The following PAPOLG variants were observed in gnomAD, a reference collection of about 807,000 sequenced individuals.
The protein encoded by PAPOLG is poly(A) polymerase gamma.
PAPOLG carries 40 observed loss-of-function variants against 99.0 expected under a neutral mutation model. That is an observed-to-expected ratio of 0.40 (90% CI 0.31 to 0.53). The LOEUF is 0.53. PAPOLG is among the 20% of genes least tolerant of loss of function. The pLI is 0.41. For synonymous variants in PAPOLG, 310 were observed against 299.3 expected (o/e 1.04, Z -0.37); for missense variants, 675 against 884.1 (o/e 0.76, Z 3.00).
At chr2:60,763,480 G>C (rs1394284640) in intron 3 of PAPOLG, among the ~76,000 whole-genome samples, 1 of 151,938 alleles carries the variant, frequency 6.6e-6, no homozygotes, top group Admixed American at 6.5e-5. Context: ...GATACGGAAG[G>C]CTAACTATAT....
intron 6 of PAPOLG, 46 bp downstream of exon 6, chr2:60,770,557 C>T (rs1469153025): frequency 2.4e-6 from 3 of 1,266,628 alleles, no homozygotes; most frequent in East Asian, 4.9e-5. Context: ...ACTGTTTAAA[C>T]TTGTAAGTTT....
intron 7 of PAPOLG, among the ~76,000 whole-genome samples, chr2:60,772,521 G>A (rs574753257): frequency 6.6e-6 from 1 of 151,540 alleles, no homozygotes; most frequent in East Asian, 1.9e-4. Context: ...GGCCAAGGCA[G>A]GCAGATCACC....
At chr2:60,794,240 T>C in intron 19 of PAPOLG, 49 bp downstream of exon 19, 1 of 1,530,644 alleles carries the variant, frequency 6.5e-7, no homozygotes, top group African/African-American at 1.4e-5. Context: ...TTTTTTATAG[T>C]TAATACTAAA....
At chr2:60,767,345 C>CTT (rs529844444) in intron 3 of PAPOLG, among the ~76,000 whole-genome samples, 10 of 138,370 alleles carry the variant, frequency 7.2e-5, no homozygotes, top group South Asian at 2.3e-4. Flanking sequence ...CTTTTTCTTT[C>CTT]TTTTTTTTTT....
chr2:60,767,856 G>A (rs549905468), intron 3 of PAPOLG, among the ~76,000 whole-genome samples: 47 of 152,310 alleles, frequency 3.1e-4, no homozygotes, highest in Non-Finnish European at 4.4e-4. Context: ...GTGATGAAGC[G>A]AAAGACAGGC....
intron 11 of PAPOLG, 138 bp downstream of exon 11, chr2:60,782,143 GT>G (rs1166483135): frequency 1.2e-5 from 11 of 944,796 alleles, no homozygotes; most frequent in Non-Finnish European, 1.7e-5. Flanking sequence ...TGGTTATTTT[GT>G]TTTTTAGTAA....
intron 11 of PAPOLG, 121 bp from the exon 12 acceptor site, chr2:60,782,565 A>G (rs201586521): frequency 1.3e-5 from 1 of 76,164 alleles, no homozygotes; most frequent in Non-Finnish European, 1.7e-5. Flanking sequence ...TCAAAAAAAG[A>G]AAAAAAAAAA....
chr2:60,761,978 C>T (rs1461268385), intron 3 of PAPOLG, among the ~76,000 whole-genome samples, 171 bp downstream of exon 3: 12 of 152,110 alleles, frequency 7.9e-5, no homozygotes, highest in Admixed American at 7.9e-4. Flanking sequence ...ATGAGGATTA[C>T]CCAGAAGTAG....
intron 13 of PAPOLG, among the ~76,000 whole-genome samples, chr2:60,784,236 G>A (rs1227284522): frequency 6.6e-6 from 1 of 152,212 alleles, no homozygotes; most frequent in Non-Finnish European, 1.5e-5. Flanking sequence ...CTCCCAAAGT[G>A]CTGGAATTAC....
chr2:60,781,368 G>A (rs565199381), intron 10 of PAPOLG, among the ~76,000 whole-genome samples: 7 of 148,820 alleles, frequency 4.7e-5, no homozygotes, highest in Admixed American at 2.0e-4. Context: ...AAAAAAAAAA[G>A]TAATTGGTTA....
At chr2:60,762,722 AT>A (rs1226901431) in intron 3 of PAPOLG, among the ~76,000 whole-genome samples, 2 of 151,770 alleles carry the variant, frequency 1.3e-5, no homozygotes, top group Non-Finnish European at 1.5e-5. Flanking sequence ...CTCCTCCCAG[AT>A]TCAAGTGATT....
intron 10 of PAPOLG, 101 bp from the exon 11 acceptor site, chr2:60,781,784 G>A (rs1671197130): frequency 1.4e-6 from 2 of 1,469,462 alleles, no homozygotes; most frequent in African/African-American, 1.4e-5. Flanking sequence ...AGGAAATGTA[G>A]TATTAAATTT....
intron 1 of PAPOLG, among the ~76,000 whole-genome samples, chr2:60,758,869 A>G (rs1179496105): frequency 6.6e-6 from 1 of 152,186 alleles, no homozygotes; most frequent in Middle Eastern, 3.2e-3. Flanking sequence ...AATTTATTCA[A>G]CTTGAAAGAT....
intron 7 of PAPOLG, among the ~76,000 whole-genome samples, chr2:60,772,979 G>C (rs1307339776): frequency 1.3e-5 from 2 of 151,976 alleles, no homozygotes; most frequent in African/African-American, 4.8e-5. Context: ...AGGCTGGAGT[G>C]CGATGGCGCG....
At chr2:60,786,911 G>A (rs922286990) in intron 13 of PAPOLG, 36 bp from the exon 14 acceptor site, 2 of 1,587,348 alleles carry the variant, frequency 1.3e-6, no homozygotes, top group Non-Finnish European at 1.7e-6. Flanking sequence ...AATTTAAAGT[G>A]GACATAAGAT....
intron 1 of PAPOLG, among the ~76,000 whole-genome samples, 167 bp downstream of exon 1, chr2:60,756,662 C>T (rs1490598153): frequency 6.6e-6 from 1 of 152,104 alleles, no homozygotes; most frequent in African/African-American, 2.4e-5. Flanking sequence ...CCCCTAAACC[C>T]GGCGGCTCAC....
intron 3 of PAPOLG, among the ~76,000 whole-genome samples, chr2:60,765,452 A>G (rs1670650510): frequency 6.8e-6 from 1 of 147,172 alleles, no homozygotes. Flanking sequence ...TGCCAGGCTG[A>G]TCTTGAACTC....
intron 8 of PAPOLG, among the ~76,000 whole-genome samples, chr2:60,776,034 A>G (rs1671006897): frequency 6.6e-6 from 1 of 152,212 alleles, no homozygotes; most frequent in Non-Finnish European, 1.5e-5. Context: ...AAGTGCTGGG[A>G]TTACAGGCGT....
intron 7 of PAPOLG, among the ~76,000 whole-genome samples, chr2:60,773,788 G>C (rs1670929137): frequency 6.6e-6 from 1 of 151,620 alleles, no homozygotes; most frequent in Non-Finnish European, 1.5e-5. Flanking sequence ...GATAAAAGTT[G>C]TCTGAAATTC....
Sources: allele counts gnomAD v4.1 joint callset (sites outside exome capture counted in the v4.1 genomes callset), GRCh38; gene constraint gnomAD v4.1.1; transcripts MANE v1.5; gene names NCBI Gene and HGNC (gene_info 2026-07-23, HGNC 2026-07-21).